CMYA5: variants seen among roughly 807,000 people sequenced by gnomAD.
The protein encoded by CMYA5 is cardiomyopathy-associated protein 5.
Under a neutral mutation model 318.9 loss-of-function variants are expected in CMYA5, and 246 were observed. The observed-to-expected ratio is 0.77, with a 90% confidence interval of 0.70 to 0.86. The LOEUF (loss-of-function observed/expected upper bound fraction) is 0.86, where lower values mean the gene tolerates loss of function less well. CMYA5 is among the 40% of genes least tolerant of loss of function. The pLI is 0.00. For missense variants in CMYA5, 4,589 were observed against 4,678.2 expected (o/e 0.98, Z 0.56); for synonymous variants, 1,641 against 1,729.5 (o/e 0.95, Z 1.27).
chr5:79,758,618 G>A (rs974367995), intron 6 of CMYA5, 135 bp from the exon 7 acceptor site: 1 of 479,856 alleles, frequency 2.1e-6, no homozygotes, highest in Non-Finnish European at 3.4e-6. Context: ...GGGTTTGGGG[G>A]AACAAGAGAG....
In CMYA5 at chr5:79,760,764, T is replaced by C. The variant is rs530151828; in HGVS notation, c.11261-1047T>C. ...GGGGACACAGAACCAAACCATATCA[T>C]AGGACCTTGCCTAAAAGAATGATTC... On this transcript the variant is annotated intron_variant, in intron 7 of 12. Coordinates refer to ENST00000446378, the MANE Select transcript of CMYA5 (RefSeq NM_153610.5). Among the ~76,000 whole-genome samples, 23 of 152,322 alleles carry C rather than the reference T, an allele frequency of 1.5e-4. No homozygotes were observed. The South Asian group carries it at 4.6e-3, about 30-fold the overall frequency.
intron 1 of CMYA5, among the ~76,000 whole-genome samples, chr5:79,699,922 C>G (rs1827143141): frequency 6.6e-6 from 1 of 152,160 alleles, no homozygotes; most frequent in Non-Finnish European, 1.5e-5. Flanking sequence ...CTGGTGGAGT[C>G]CCTGGACACC....
chr5:79,793,341 C>G, intron 11 of CMYA5, 96 bp from the exon 12 acceptor site: 1 of 1,225,478 alleles, frequency 8.2e-7, no homozygotes, highest in East Asian at 2.4e-5. Flanking sequence ...AGGGCAGAAT[C>G]CTGCCTAAAC....
At chr5:79,708,976 A>T (rs1269694629) in intron 1 of CMYA5, among the ~76,000 whole-genome samples, 1 of 152,144 alleles carries the variant, frequency 6.6e-6, no homozygotes, top group Admixed American at 6.5e-5. Flanking sequence ...TTAGTTTTTT[A>T]AAAATGGTAG....
chr5:79,742,600 C>G (rs1221953314), intron 2 of CMYA5, among the ~76,000 whole-genome samples: 1 of 152,188 alleles, frequency 6.6e-6, no homozygotes, highest in Non-Finnish European at 1.5e-5. Flanking sequence ...GCTGCAGTTA[C>G]AGATCACCCA....
chr5:79,799,683 T>C lies in CMYA5; in HGVS notation c.*67T>C. 1 of 1,530,338 alleles carries C rather than the reference T, an allele frequency of 6.5e-7. No homozygotes were observed. The highest frequency in any genetic ancestry group is 1.2e-5 in the South Asian group (1 of 80,438). The allele number at this position is 1,530,338 out of a possible 1,614,324, so 94.8% of individuals were successfully genotyped here. On this transcript the variant is annotated 3_prime_UTR_variant, in exon 13 of 13. Coordinates refer to ENST00000446378, the MANE Select transcript of CMYA5 (RefSeq NM_153610.5). ...TGGGGGGGTCTGCTGTTCATTCCTT[T>C]AGGTGCTATACATTATTCAAAAAGT...
At chr5:79,792,778 C>G (rs1041606635) in intron 11 of CMYA5, among the ~76,000 whole-genome samples, 6 of 152,234 alleles carry the variant, frequency 3.9e-5, no homozygotes, top group Non-Finnish European at 8.8e-5. Context: ...GTTCATTTCA[C>G]TAAGGTGCTT....
In CMYA5 at chr5:79,799,872, A is replaced by AC; in HGVS notation, c.*256_*257insC. The stretch of plus-strand genomic sequence containing the variant: ...TAAGTTTGAGTTCTTTCCTAAATTA[A>AC]AAGATCTACACTTGAGTTGGGAACC... On this transcript the variant is annotated 3_prime_UTR_variant, in exon 13 of 13. Coordinates refer to ENST00000446378, the MANE Select transcript of CMYA5 (RefSeq NM_153610.5). 2 of 171,412 alleles carry AC rather than the reference A, an allele frequency of 1.2e-5. No individual in the cohort carries two copies. The highest frequency in any genetic ancestry group is 2.3e-5 in the Non-Finnish European group (2 of 88,590). The allele number at this position is 171,412 out of a possible 1,614,324, so 10.6% of individuals were successfully genotyped here.
chr5:79,735,574 CA>C lies in CMYA5; in HGVS notation c.6812del (p.Asn2271MetfsTer2). 1 of 1,613,144 alleles carries C rather than the reference CA, an allele frequency of 6.2e-7. No individual in the cohort carries two copies. The highest frequency in any genetic ancestry group is 8.5e-7 in the Non-Finnish European group (1 of 1,179,638). ...QNVKEKSMILSNVEDLQQPKF... is the reference protein window; with the variant it reads ...QNVKEKSMILXNVEDLQQPKF... ...GTTAAAGAAAAATCCATGATTTTAT[CA>C]AATGTAGAAGATTTACAACAGCCAA... On this transcript the variant is annotated frameshift_variant, in exon 2 of 13. Transcript: ENST00000446378. LOFTEE classifies it high-confidence loss of function.
intron 9 of CMYA5, among the ~76,000 whole-genome samples, chr5:79,772,752 A>G (rs1004199465): frequency 5.3e-5 from 8 of 152,178 alleles, no homozygotes; most frequent in Non-Finnish European, 1.0e-4. Flanking sequence ...AGAGTTCAAG[A>G]CGGAAGGAAA....
Position 79,735,654 on chromosome 5 carries a change from G to C in CMYA5, c.6889G>C (p.Asp2297His). Residue 2297 changes from aspartate (D) to histidine (H), a missense_variant, in exon 2 of 13, where the codon GAT becomes CAT. Transcript: ENST00000446378. The stretch of plus-strand genomic sequence containing the variant: ...TTATGGAAAAAAAGAAATCTCAGGC[G>C]ATTCAGAGGAAATGAACATAAACTC... Reference protein sequence around the residue: ...EDYGKKEISGDSEEMNINSVV... With the variant: ...EDYGKKEISGHSEEMNINSVV... 3 of 1,613,162 alleles carry C rather than the reference G, an allele frequency of 1.9e-6. No individual in the cohort carries two copies. Among genetic ancestry groups the C allele is most frequent in the Non-Finnish European group, 2.5e-6 (3 of 1,179,642 alleles).
chr5:79,798,653 G>T (rs1291582207), intron 12 of CMYA5, among the ~76,000 whole-genome samples: 1 of 152,150 alleles, frequency 6.6e-6, no homozygotes, highest in Non-Finnish European at 1.5e-5. Flanking sequence ...TACAGTATGG[G>T]ATCCCAGAGG....
intron 12 of CMYA5, among the ~76,000 whole-genome samples, chr5:79,797,107 C>T (rs1164590245): frequency 6.6e-6 from 1 of 152,196 alleles, no homozygotes; most frequent in East Asian, 1.9e-4. Flanking sequence ...CCATTTTCTC[C>T]AACCTTAATG....
rs1828026697 is a variant in CMYA5 at position 79,735,176 on chromosome 5, A to C, written c.6411A>C (p.Ser2137=). The C allele has an allele frequency of 8.7e-6, 14 of 1,613,632 alleles. No homozygotes were observed. Among genetic ancestry groups the C allele is most frequent in the Non-Finnish European group, 1.1e-5 (13 of 1,179,756 alleles). ...CCACACAAAGAAAACCCATCTCCTC[A>C]ATCCATGCAAGAGAGCCTCAATCCC... The part of the protein sequence containing the change: ...KIPTQRKPIS[S]IHAREPQSPE... The change falls in exon 2 of 13, where the codon TCA becomes TCC. Residue 2137 remains serine, a synonymous_variant. Coordinates refer to ENST00000446378, the MANE Select transcript of CMYA5 (RefSeq NM_153610.5).
intron 1 of CMYA5, among the ~76,000 whole-genome samples, chr5:79,716,858 T>C (rs1458721777): frequency 6.6e-6 from 1 of 152,192 alleles, no homozygotes; most frequent in Non-Finnish European, 1.5e-5. Context: ...TAAGGCAACG[T>C]TAATTTATAT....
Position 79,737,279 on chromosome 5 carries a change from A to G in CMYA5, c.8514A>G (p.Arg2838=). The change falls in exon 2 of 13, where the codon CGA becomes CGG. Residue 2838 remains arginine, a synonymous_variant. Coordinates refer to ENST00000446378, the MANE Select transcript of CMYA5 (RefSeq NM_153610.5). ...CAGTGAAGAAAAAAGAAATGCCACG[A>G]TCAGAATTGACTCCAGAAAGGCATA... ...INAVKKKEMP[R]SELTPERHTV... is the part of the protein sequence containing the mutation. The G allele has an allele frequency of 6.2e-7, 1 of 1,613,862 alleles. No individual in the cohort carries two copies. Among genetic ancestry groups the G allele is most frequent in the Non-Finnish European group, 8.5e-7 (1 of 1,179,820 alleles).
chr5:79,699,022 G>T (rs1211191598), intron 1 of CMYA5, among the ~76,000 whole-genome samples: 1 of 152,098 alleles, frequency 6.6e-6, no homozygotes, highest in East Asian at 1.9e-4. Context: ...GCTGGGCGTA[G>T]TTGCGTGCAC....
chr5:79,730,188 C>G lies in CMYA5; in HGVS notation c.1423C>G (p.Pro475Ala). 1.2e-6 allele frequency: 2 copies of G among 1,613,900 alleles called. No homozygotes were observed. The highest frequency in any genetic ancestry group is 1.7e-6 in the Non-Finnish European group (2 of 1,179,886). The stretch of plus-strand genomic sequence containing the variant: ...AGAACCAGTCTCCGCAAAACTGACC[C>G]CTACCCATCCCAGTGTCAAAGGAGA... ...RAEPVSAKLTPTHPSVKGEKE... is the reference protein window; with the variant it reads ...RAEPVSAKLTATHPSVKGEKE... Residue 475 changes from proline to alanine, a missense_variant, in exon 2 of 13, where the codon CCT (proline) becomes GCT (alanine). This residue lies in a region of CMYA5 where 2,132 missense variants were observed against 2,131.3 expected (regional missense o/e 1.00). Coordinates refer to ENST00000446378, the MANE Select transcript of CMYA5 (RefSeq NM_153610.5).
At position 79,743,897 on chromosome 5, in the gene CMYA5, T is replaced by C; in HGVS notation, c.10709T>C (p.Ile3570Thr). Residue 3570 changes from isoleucine to threonine, a missense_variant, in exon 3 of 13, where the codon ATA becomes ACA. Physicochemically the swap from Ile to Thr is moderately conservative, Grantham distance 89. This residue lies in a region of CMYA5 where 2,431 missense variants were observed against 2,495.1 expected (regional missense o/e 0.97). Transcript: ENST00000446378. ...SLRIEAFVSEIESFFNTIEEN... is the reference protein window; with the variant it reads ...SLRIEAFVSETESFFNTIEEN... ...AGGATTGAAGCCTTTGTTAGTGAGA[T>C]AGAATCCTTTTTTAATACCATTGAG... The C allele has an allele frequency of 1.3e-6, 2 of 1,541,312 alleles. No homozygotes were observed. Among genetic ancestry groups the C allele is most frequent in the Non-Finnish European group, 1.8e-6 (2 of 1,140,508 alleles).
Sources: gnomAD v4.1 joint callset for allele counts (sites outside exome capture counted in the v4.1 genomes callset) on GRCh38, gnomAD v4.1.1 for gene constraint, gnomAD v4.1.1 regional missense constraint, MANE v1.5 for transcripts, NCBI Gene and HGNC (gene_info 2026-07-23, HGNC 2026-07-21) for gene names.